ASTN1: variants seen among roughly 807,000 people sequenced by gnomAD.
ASTN1 encodes astrotactin-1.
A neutral mutation model predicts 140.7 loss-of-function variants in ASTN1; 41 were observed. The observed-to-expected ratio is 0.29, with a 90% CI of 0.23 to 0.38. The LOEUF is 0.38. Ranked by LOEUF, ASTN1 falls within the 10% of genes least tolerant of loss-of-function variation. The pLI is 1.00. For synonymous variants in ASTN1, 640 were observed against 652.2 expected (o/e 0.98, Z 0.29); for missense variants, 1,479 against 1,678.8 (o/e 0.88, Z 2.08).
At chr1:177,034,252 C>T (rs1311318520) in intron 2 of ASTN1, among the ~76,000 whole-genome samples, 1 of 110,176 alleles carries the variant, frequency 9.1e-6, no homozygotes, top group Non-Finnish European at 2.1e-5. Context: ...GGAACACACA[C>T]ACACACACAC....
intron 8 of ASTN1, among the ~76,000 whole-genome samples, chr1:177,006,227 T>A (rs942688390): frequency 6.6e-5 from 10 of 152,216 alleles, no homozygotes; most frequent in Non-Finnish European, 1.2e-4. Context: ...TGCTTCTTTA[T>A]ACGTTACCCT....
chr1:176,904,195 A>G (rs1259209052), intron 16 of ASTN1, among the ~76,000 whole-genome samples: 1 of 152,050 alleles, frequency 6.6e-6, no homozygotes, highest in East Asian at 1.9e-4. Flanking sequence ...CCCTTCCCTG[A>G]CCCACAGCCT....
intron 14 of ASTN1, among the ~76,000 whole-genome samples, chr1:176,942,823 T>TAC (rs1671782663): frequency 9.6e-5 from 1 of 10,452 alleles, no homozygotes; most frequent in Non-Finnish European, 1.9e-4. Flanking sequence ...TGTGTGTGTA[T>TAC]ATATATATAT....
intron 16 of ASTN1, among the ~76,000 whole-genome samples, chr1:176,931,857 C>G (rs947138043): frequency 6.6e-6 from 1 of 152,210 alleles, no homozygotes; most frequent in African/African-American, 2.4e-5. Context: ...GGCAAAGAAC[C>G]TACTCATGAG....
chr1:177,099,296 A>C (rs1680192037), intron 1 of ASTN1, among the ~76,000 whole-genome samples: 1 of 152,172 alleles, frequency 6.6e-6, no homozygotes, highest in Non-Finnish European at 1.5e-5. Flanking sequence ...AAACAAATAC[A>C]TCAATACATA....
At chr1:176,913,032 G>T (rs1215880571) in intron 16 of ASTN1, among the ~76,000 whole-genome samples, 1 of 152,172 alleles carries the variant, frequency 6.6e-6, no homozygotes, top group Non-Finnish European at 1.5e-5. Context: ...CAGGTAACAG[G>T]TATGCTTGAA....
At chr1:176,880,837 C>A (rs186639894) in intron 20 of ASTN1, among the ~76,000 whole-genome samples, 1 of 152,304 alleles carries the variant, frequency 6.6e-6, no homozygotes, top group African/African-American at 2.4e-5. Context: ...GGGGCGGTTA[C>A]TCCGTTTTCT....
At chr1:176,949,082 G>A in intron 12 of ASTN1, 103 bp downstream of exon 12, 1 of 1,481,504 alleles carries the variant, frequency 6.7e-7, no homozygotes, top group Non-Finnish European at 9.2e-7. Flanking sequence ...CTAAGGGATG[G>A]CCTAGGGTGA....
At chr1:176,937,553 A>G (rs1261515937) in intron 14 of ASTN1, among the ~76,000 whole-genome samples, 1 of 152,144 alleles carries the variant, frequency 6.6e-6, no homozygotes, top group Non-Finnish European at 1.5e-5. Flanking sequence ...CCATTACTAT[A>G]AATATAAATG....
intron 1 of ASTN1, among the ~76,000 whole-genome samples, chr1:177,134,046 C>G (rs543978825): frequency 2.6e-5 from 4 of 152,302 alleles, no homozygotes; most frequent in African/African-American, 9.6e-5. Flanking sequence ...CAAATAACAG[C>G]AGCAGAAATG....
At chr1:176,871,177 G>C (rs975745794) in intron 21 of ASTN1, among the ~76,000 whole-genome samples, 1 of 152,158 alleles carries the variant, frequency 6.6e-6, no homozygotes, top group African/African-American at 2.4e-5. Flanking sequence ...AAGAAAGAGG[G>C]AATCCTAGTA....
intron 9 of ASTN1, among the ~76,000 whole-genome samples, chr1:176,964,123 T>A (rs927881867): frequency 6.6e-6 from 1 of 152,194 alleles, no homozygotes; most frequent in African/African-American, 2.4e-5. Flanking sequence ...AGGAGGCAAA[T>A]GCAGGAGCAA....
chr1:177,119,670 C>T (rs1298243009), intron 1 of ASTN1, among the ~76,000 whole-genome samples: 1 of 152,182 alleles, frequency 6.6e-6, no homozygotes, highest in Non-Finnish European at 1.5e-5. Flanking sequence ...GAGATTTTTC[C>T]TAGGACTCCG....
chr1:176,974,434 G>A (rs1477318270), intron 8 of ASTN1, among the ~76,000 whole-genome samples: 1 of 149,472 alleles, frequency 6.7e-6, no homozygotes, highest in African/African-American at 2.5e-5. Flanking sequence ...TGCCCAGGCT[G>A]GACTGCAGTG....
intron 2 of ASTN1, among the ~76,000 whole-genome samples, chr1:177,043,729 G>T (rs538091644): frequency 6.6e-6 from 1 of 152,300 alleles, no homozygotes; most frequent in African/African-American, 2.4e-5. Flanking sequence ...GAACAGAAGA[G>T]GAAATTAAGG....
intron 1 of ASTN1, among the ~76,000 whole-genome samples, chr1:177,137,583 A>C (rs1318169532): frequency 2.0e-5 from 3 of 152,242 alleles, no homozygotes; most frequent in African/African-American, 7.2e-5. Flanking sequence ...CCAGAGAGGT[A>C]AACGCACTTG....
Position 177,010,055 on chromosome 1 carries a change from T to C in ASTN1, c.1523+4736A>G, listed in dbSNP as rs553282271. ...GTACTTTTAATTTAACAAAAAAACATGATTGTAGTCTTTCGTAATCATTTC... is the reference window on the plus strand; with the variant it reads ...GTACTTTTAATTTAACAAAAAAACACGATTGTAGTCTTTCGTAATCATTTC... On this transcript the variant is annotated intron_variant, in intron 8 of 22. Transcript: ENST00000361833. 1.5e-4 allele frequency among the ~76,000 whole-genome samples: 23 copies of C among 152,306 alleles called. 1 individual carries two copies. Among genetic ancestry groups the C allele is most frequent in the Admixed American group, 1.3e-3 (20 of 15,296 alleles).
chr1:177,114,950 G>A (rs947480005), intron 1 of ASTN1, among the ~76,000 whole-genome samples: 5 of 152,014 alleles, frequency 3.3e-5, no homozygotes, highest in African/African-American at 1.2e-4. Flanking sequence ...AGACCATTAG[G>A]AGAAGCACTG....
intron 8 of ASTN1, among the ~76,000 whole-genome samples, chr1:176,978,692 T>C (rs1033648029): frequency 7.2e-5 from 11 of 152,102 alleles, no homozygotes; most frequent in African/African-American, 2.7e-4. Context: ...CTGAGTGTTA[T>C]CTGTGAACGT....
Sources: allele counts gnomAD v4.1 joint callset (sites outside exome capture counted in the v4.1 genomes callset), GRCh38; gene constraint gnomAD v4.1.1; transcripts MANE v1.5; gene names NCBI Gene and HGNC (gene_info 2026-07-23, HGNC 2026-07-21).